Variants in HNRNPU observed in about 807,000 individuals in gnomAD.
HNRNPU encodes HNRNPU antisense RNA 1.
A neutral mutation model predicts 94.7 loss-of-function variants in HNRNPU; 5 were observed. The ratio of observed to expected loss-of-function variants is 0.05; its 90% CI spans 0.03 to 0.11. HNRNPU has a LOEUF of 0.11. Ranked by LOEUF, HNRNPU falls within the 10% of genes least tolerant of loss-of-function variation. The pLI is 1.00. For synonymous variants in HNRNPU, 434 were observed against 381.6 expected (o/e 1.14, Z -1.60); for missense variants, 710 against 1,049.2 (o/e 0.68, Z 4.47).
At chr1:244,862,082 G>A (rs992289379) in intron 3 of HNRNPU, 4 of 172,176 alleles carry the variant, frequency 2.3e-5, no homozygotes, top group African/African-American at 4.8e-5. Flanking sequence ...TATTTAACTA[G>A]CCCAAATAGC....
Position 244,854,190 on chromosome 1 carries a change from G to A in HNRNPU, c.*260C>T. The A allele has an allele frequency of 5.9e-6, 2 of 337,502 alleles. No individual in the cohort carries two copies. The highest frequency in any genetic ancestry group is 5.1e-5 in the South Asian group (1 of 19,616). 20.9% of individuals were successfully genotyped at this position (337,502 alleles called of 1,614,324 possible). A position where few individuals can be genotyped will look rare whatever the true frequency, so the allele number is the denominator to read the frequency against. On this transcript the variant is annotated 3_prime_UTR_variant, in exon 14 of 14. Transcript: ENST00000640218. ...AAAAAAAAAAAAGTCACATTTTACA[G>A]ATAAAATGTAGAACCCTGAAATACT...
In HNRNPU at chr1:244,864,356, C is replaced by T. The variant is rs751699833; in HGVS notation, c.-49G>A. ...AGGCGCTGCCTCAAACTCGGCTCCG[C>T]TCACTCGGCCACTGGTGGCGGCTGC... is the stretch of plus-strand genomic sequence containing the variant. On this transcript the variant is annotated 5_prime_UTR_variant, in exon 1 of 14. Coordinates refer to ENST00000640218, the MANE Select transcript of HNRNPU (RefSeq NM_031844.3). 2 of 1,594,722 alleles carry T rather than the reference C, an allele frequency of 1.3e-6. No individual in the cohort carries two copies. The highest frequency in any genetic ancestry group is 1.9e-5 in the Admixed American group (1 of 53,654).
chr1:244,862,581 G>A, intron 2 of HNRNPU, 38 bp downstream of exon 2: 2 of 1,606,294 alleles, frequency 1.2e-6, no homozygotes, highest in Non-Finnish European at 1.7e-6. Flanking sequence ...ATCAACGAAC[G>A]AATAAGGGAT....
chr1:244,863,282 A>T (rs1189588240), intron 1 of HNRNPU, among the ~76,000 whole-genome samples: 2 of 131,202 alleles, frequency 1.5e-5, no homozygotes, highest in South Asian at 2.4e-4. Flanking sequence ...CGACGGCGCC[A>T]CCGCGGGCCG....
chr1:244,855,507 G>A lies in HNRNPU; in HGVS notation c.2269C>T (p.Pro757Ser), dbSNP rs921745963. 12 of 1,613,884 alleles carry A rather than the reference G, an allele frequency of 7.4e-6. No individual in the cohort carries two copies. The highest frequency in any genetic ancestry group is 1.3e-5 in the African/African-American group (1 of 74,880). Residue 757 changes from proline to serine, a missense_variant, in exon 12 of 14, where the codon CCT becomes TCT. Physicochemically the swap from Pro to Ser is moderately conservative, Grantham distance 74. Transcript: ENST00000640218. ...TAACTACCACGGCCAGGAAAAACAG[G>A]GGCACGAGGGTATGGATAGCCGATT... ...GGIGYPYPRA[P>S]VFPGRGSYSN...
chr1:244,862,995 G>T (rs773027484), intron 1 of HNRNPU: 1 of 486,028 alleles, frequency 2.1e-6, no homozygotes, highest in East Asian at 3.8e-5. Flanking sequence ...CGAAGCCCAC[G>T]TGTATCCCGA....
rs74152197 is a variant in HNRNPU, at chr1:244,862,608, G to A, written c.803+11C>T. 5,081 of 1,605,300 alleles carry A rather than the reference G, an allele frequency of 3.2e-3. 129 individuals carry two copies. The African/African-American group carries it at 0.06, about 19-fold the overall frequency. On this transcript the variant is annotated intron_variant, in intron 2 of 13. Transcript: ENST00000640218. ...ATAAGGGATGAGTAAAACTAGGTGAGCATCCTATACCTGCTATACTTGTTC... is the reference window on the plus strand; with the variant it reads ...ATAAGGGATGAGTAAAACTAGGTGAACATCCTATACCTGCTATACTTGTTC...
At position 244,855,686 on chromosome 1, in the gene HNRNPU, G is replaced by C. The variant is rs1350890859; in HGVS notation, c.2168-78C>G. 3.4e-6 allele frequency: 5 copies of C among 1,461,162 alleles called. No individual in the cohort carries two copies. In the African/African-American group the frequency reaches 7.1e-5, roughly 21 times the overall value. 90.5% of individuals were successfully genotyped at this position (1,461,162 alleles called of 1,614,324 possible). A position where few individuals can be genotyped will look rare whatever the true frequency, so the allele number is the denominator to read the frequency against. ...AGAAGACTTAGGATTCCTCTAGATT[G>C]TTCCTTTTTCTCCAAAAATAATTGT... On this transcript the variant is annotated intron_variant, in intron 11 of 13. Transcript: ENST00000640218.
chr1:244,863,300 TCCCTCCCGCCG>T (rs1680897613), intron 1 of HNRNPU, among the ~76,000 whole-genome samples: 1 of 133,788 alleles, frequency 7.5e-6, no homozygotes, highest in South Asian at 2.4e-4. Flanking sequence ...CCGACCGGGC[TCCCTCCCGCCG>T]CCCGCCCGCG....
chr1:244,864,262 G>A lies in HNRNPU; in HGVS notation c.46C>T (p.Leu16=), dbSNP rs1573338565. Residue 16 remains leucine (L), a synonymous_variant, in exon 1 of 14, where the codon CTG becomes TTG. Coordinates refer to ENST00000640218, the MANE Select transcript of HNRNPU (RefSeq NM_031844.3). ...VNVKKLKVSE[L]KEELKKRRLS... is the part of the protein sequence containing the mutation. ...CGTCGCTTCTTGAGCTCCTCTTTCA[G>A]CTCCGACACCTTCAGCTTTTTTACA... 1.2e-6 allele frequency: 2 copies of A among 1,613,390 alleles called. No homozygotes were observed. Among genetic ancestry groups the A allele is most frequent in the African/African-American group, 2.7e-5 (2 of 75,048 alleles).
At position 244,863,984 on chromosome 1, in the gene HNRNPU, C is replaced by T; in HGVS notation, c.324G>A (p.Glu108=). The part of the protein sequence containing the change: ...ALDGDQMELG[E]ENGAAGAADS... ...CGGCCGCCCCCGCGGCCCCGTTCTC[C>T]TCTCCTAGCTCCATCTGGTCGCCGT... The change falls in exon 1 of 14, where the codon GAG becomes GAA. Residue 108 remains glutamate (E), a synonymous_variant. Transcript: ENST00000640218. 9.9e-6 allele frequency: 16 copies of T among 1,613,778 alleles called. No homozygotes were observed. Among genetic ancestry groups the T allele is most frequent in the Non-Finnish European group, 1.4e-5 (16 of 1,179,902 alleles).
chr1:244,853,978 T>C lies in HNRNPU; in HGVS notation c.*472A>G, dbSNP rs1251985422. 6.5e-6 allele frequency: 1 copy of C among 154,762 alleles called. No individual in the cohort carries two copies. The highest frequency in any genetic ancestry group is 1.4e-5 in the Non-Finnish European group (1 of 69,562). The allele number at this position is 154,762 out of a possible 1,614,324, so 9.6% of individuals were successfully genotyped here. A position where few individuals can be genotyped will look rare whatever the true frequency, so the allele number is the denominator to read the frequency against. The stretch of plus-strand genomic sequence containing the variant: ...AAACTACAGAGAGGATGGAGTGTAA[T>C]ATGAGCAGTACAGAGTCTTAATGCA... On this transcript the variant is annotated 3_prime_UTR_variant, in exon 14 of 14. Transcript: ENST00000640218.
chr1:244,857,636 T>C lies in HNRNPU; in HGVS notation c.1576A>G (p.Asn526Asp). ...KHAAENPGKY[N>D]ILGTNTIMDK... ...ATAATAGTATTTGTGCCAAGAATGTTATATTTCCCTGGATTTTCTGCTGCA... is the reference window on the plus strand; with the variant it reads ...ATAATAGTATTTGTGCCAAGAATGTCATATTTCCCTGGATTTTCTGCTGCA... Residue 526 changes from asparagine to aspartate, a missense_variant, in exon 8 of 14, where the codon AAC (asparagine) becomes GAC (aspartate). This residue lies in a region of HNRNPU where 31 missense variants were observed against 132.4 expected (regional missense o/e 0.23). Transcript: ENST00000640218. The C allele has an allele frequency of 6.2e-7, 1 of 1,613,612 alleles. No homozygotes were observed. Among genetic ancestry groups the C allele is most frequent in the East Asian group, 2.2e-5 (1 of 44,876 alleles).
intron 11 of HNRNPU, 117 bp from the exon 12 acceptor site, chr1:244,855,725 AAATGTTT>A (rs1201213845): frequency 6.0e-6 from 8 of 1,325,368 alleles, no homozygotes; most frequent in Non-Finnish European, 8.3e-6. Context: ...AAGACAAAAG[AAATGTTT>A]AATTCTAACC....
chr1:244,857,382 G>T, intron 8 of HNRNPU: 1 of 458,148 alleles, frequency 2.2e-6, no homozygotes, highest in Non-Finnish European at 3.9e-6. Context: ...GAGCAGCTGG[G>T]ATTACAGGAA....
At position 244,862,561 on chromosome 1, in the gene HNRNPU, C is replaced by G. The variant is rs768282716; in HGVS notation, c.804-27G>C. ...TGAAAGACAGAATTGTCTCCTGATA[C>G]AGCTTTCCGATCAACGAACGAATAA... On this transcript the variant is annotated intron_variant, in intron 2 of 13. Transcript: ENST00000640218. 6.2e-6 allele frequency: 10 copies of G among 1,611,128 alleles called. No homozygotes were observed. In the East Asian group the frequency reaches 2.0e-4, roughly 32 times the overall value.
intron 5 of HNRNPU, 162 bp from the exon 6 acceptor site, chr1:244,859,003 G>T (rs772474098): frequency 2.0e-5 from 12 of 596,616 alleles, no homozygotes; most frequent in Non-Finnish European, 2.9e-5. Flanking sequence ...ATTGATGGAA[G>T]TTAGGAGGGA....
In HNRNPU at chr1:244,856,828, T is replaced by A; in HGVS notation, c.1643A>T (p.Asp548Val). 1.2e-6 allele frequency: 2 copies of A among 1,606,656 alleles called. No individual in the cohort carries two copies. The highest frequency in any genetic ancestry group is 1.7e-6 in the Non-Finnish European group (2 of 1,177,702). ...MVAGFKKQMA[D>V]TGKLNTLLQR... ...CAACAGTGTGTTCAGTTTTCCAGTA[T>A]CTGCCATTTGCTTCTTAAAACCTGC... The change falls in exon 9 of 14, where the codon GAT becomes GTT. Residue 548 changes from aspartate (D) to valine (V), a missense_variant. Transcript: ENST00000640218.
At chr1:244,855,756 AG>A in intron 11 of HNRNPU, 147 bp downstream of exon 11, 8 of 1,229,548 alleles carry the variant, frequency 6.5e-6, no homozygotes, top group Non-Finnish European at 8.0e-6. Context: ...AACATAACCT[AG>A]GTGTATTTAA....
Sources: allele counts gnomAD v4.1 joint callset (sites outside exome capture counted in the v4.1 genomes callset), GRCh38; gene constraint gnomAD v4.1.1; regional missense constraint gnomAD v4.1.1; transcripts MANE v1.5; gene names NCBI Gene and HGNC (gene_info 2026-07-23, HGNC 2026-07-21).